Variants in ERMARD observed in about 807,000 individuals in gnomAD.
ERMARD encodes ER membrane associated RNA degradation.
In ERMARD, 71 loss-of-function variants were observed where a neutral mutation model predicts 83.9. The ratio of observed to expected loss-of-function variants is 0.85; its 90% confidence interval spans 0.70 to 1.03. The LOEUF is 1.03. ERMARD is among the 50% of genes least tolerant of loss of function. The probability of loss-of-function intolerance (pLI) is 0.00; values close to 1 mark genes in which losing one functional copy is unlikely to be tolerated. For synonymous variants in ERMARD, 284 were observed against 298.6 expected (o/e 0.95, Z 0.50); for missense variants, 838 against 810.9 (o/e 1.03, Z -0.41).
Position 169,755,349 on chromosome 6 carries a change from A to G in ERMARD, c.242A>G (p.His81Arg). ...CCTGTGTGTGAGGCTGTCCATTCACATTTCTTATCTCTGACCAAGGGGCAA... is the reference window on the plus strand; with the variant it reads ...CCTGTGTGTGAGGCTGTCCATTCACGTTTCTTATCTCTGACCAAGGGGCAA... ...LGPVCEAVHS[H>R]FLSLTKGQFE... Residue 81 changes from histidine (H) to arginine (R), a missense_variant, in exon 3 of 18, where the codon CAT becomes CGT. His to Arg is a conservative substitution (Grantham distance 29). Coordinates refer to ENST00000366773, the MANE Select transcript of ERMARD (RefSeq NM_018341.3). 2 of 1,614,210 alleles carry G rather than the reference A, an allele frequency of 1.2e-6. No individual in the cohort carries two copies. Among genetic ancestry groups the G allele is most frequent in the South Asian group, 1.1e-5 (1 of 91,078 alleles).
Position 169,769,634 on chromosome 6 carries a change from A to C in ERMARD, c.1154A>C (p.Glu385Ala), listed in dbSNP as rs1283197091. The C allele has an allele frequency of 5.0e-6, 8 of 1,613,364 alleles. No homozygotes were observed. The Admixed American group carries it at 1.3e-4, about 27-fold the overall frequency. ...ATCAACTTACATGAATTTTCAAAAGAAACAACTAATCAGTTGCTTGCATTT... is the reference window on the plus strand; with the variant it reads ...ATCAACTTACATGAATTTTCAAAAGCAACAACTAATCAGTTGCTTGCATTT... Reference protein sequence around the residue: ...GEINLHEFSKETTNQLLAFSL... With the variant: ...GEINLHEFSKATTNQLLAFSL... Residue 385 changes from glutamate (E) to alanine (A), a missense_variant, in exon 12 of 18, where the codon GAA (glutamate) becomes GCA (alanine). Coordinates refer to ENST00000366773, the MANE Select transcript of ERMARD (RefSeq NM_018341.3).
intron 16 of ERMARD, 26 bp downstream of exon 16, chr6:169,776,699 A>C (rs1585421041): frequency 6.2e-7 from 1 of 1,610,678 alleles, no homozygotes; most frequent in African/African-American, 1.3e-5. Flanking sequence ...CCTGTTTTGG[A>C]GGGGCACTGT....
At chr6:169,777,856 C>T (rs889912049) in intron 16 of ERMARD, among the ~76,000 whole-genome samples, 28 of 151,664 alleles carry the variant, frequency 1.8e-4, no homozygotes, top group East Asian at 7.7e-4. Flanking sequence ...CACTTACTGT[C>T]GAGCACTTGT....
intron 1 of ERMARD, chr6:169,753,077 C>G (rs114728190): frequency 5.3e-5 from 8 of 152,200 alleles, no homozygotes; most frequent in Non-Finnish European, 1.2e-4. Flanking sequence ...CACAGGAGAG[C>G]AGTTTTAGGC....
intron 2 of ERMARD, among the ~76,000 whole-genome samples, chr6:169,754,926 T>C (rs1366762878): frequency 3.3e-5 from 5 of 152,144 alleles, no homozygotes; most frequent in Admixed American, 1.3e-4. Flanking sequence ...GTATATACAG[T>C]GTGAGCCTGG....
At chr6:169,753,100 G>A (rs1218905352) in intron 1 of ERMARD, 1 of 152,482 alleles carries the variant, frequency 6.6e-6, no homozygotes, top group Non-Finnish European at 1.5e-5. Context: ...CAAAGGGCAG[G>A]AAATTGGGAA....
At chr6:169,775,132 C>T (rs1254306696) in intron 13 of ERMARD, 138 bp from the exon 14 acceptor site, 1 of 879,406 alleles carries the variant, frequency 1.1e-6, no homozygotes, top group Non-Finnish European at 1.7e-6. Context: ...GAACTGACAC[C>T]CACCATCTGG....
Position 169,776,007 on chromosome 6 carries a change from C to T in ERMARD, c.1462C>T (p.His488Tyr), listed in dbSNP as rs1793546221. The change falls in exon 15 of 18, where the codon CAC (histidine) becomes TAC (tyrosine). Residue 488 changes from histidine (H) to tyrosine (Y), a missense_variant. Coordinates refer to ENST00000366773, the MANE Select transcript of ERMARD (RefSeq NM_018341.3). Reference protein sequence around the residue: ...LITKMTDELYHHMPENRCVLK... With the variant: ...LITKMTDELYYHMPENRCVLK... ...TACAAAAATGACGGATGAGCTGTAT[C>T]ACCATATGCCTGAGAATCGTTGTGT... 1.2e-6 allele frequency: 2 copies of T among 1,614,232 alleles called. No homozygotes were observed. Among genetic ancestry groups the T allele is most frequent in the Non-Finnish European group, 1.7e-6 (2 of 1,180,036 alleles).
At chr6:169,753,616 C>T (rs141536378) in intron 1 of ERMARD, among the ~76,000 whole-genome samples, 1 of 151,914 alleles carries the variant, frequency 6.6e-6, no homozygotes, top group East Asian at 1.9e-4. Flanking sequence ...ATAGACAGAG[C>T]AGTTTGCAAA....
intron 9 of ERMARD, among the ~76,000 whole-genome samples, chr6:169,766,294 C>T (rs1433901700): frequency 1.3e-5 from 2 of 152,174 alleles, no homozygotes; most frequent in Admixed American, 1.3e-4. Flanking sequence ...AAGCTGTGCT[C>T]CCTTGTGCAC....
At chr6:169,779,854 G>A (rs1015827349) in intron 17 of ERMARD, among the ~76,000 whole-genome samples, 2 of 152,232 alleles carry the variant, frequency 1.3e-5, no homozygotes, top group African/African-American at 4.8e-5. Flanking sequence ...GGAGTCTGAA[G>A]TAGTGTGACA....
intron 1 of ERMARD, chr6:169,752,009 G>C (rs1356793522): frequency 1.1e-5 from 4 of 360,424 alleles, no homozygotes; most frequent in Non-Finnish European, 2.0e-5. Flanking sequence ...ACCGTGGCTC[G>C]TTCCTAGAAG....
At chr6:169,760,810 C>T (rs979641916) in intron 8 of ERMARD, 54 bp downstream of exon 8, 24 of 1,201,326 alleles carry the variant, frequency 2.0e-5, no homozygotes, top group Non-Finnish European at 2.7e-5. Context: ...GCCATTCTTT[C>T]TTGATGCCCT....
intron 12 of ERMARD, 184 bp from the exon 13 acceptor site, chr6:169,773,135 T>C: frequency 1.9e-6 from 1 of 534,920 alleles, no homozygotes; most frequent in Non-Finnish European, 3.3e-6. Flanking sequence ...TTAAAATCAT[T>C]TTATTGGCTG....
intron 13 of ERMARD, 110 bp from the exon 14 acceptor site, chr6:169,775,160 T>C: frequency 6.1e-6 from 7 of 1,147,106 alleles, no homozygotes; most frequent in Non-Finnish European, 8.7e-6. Context: ...ATGTTTAGAA[T>C]TTGTAATAAT....
Position 169,753,939 on chromosome 6 carries a change from C to G in ERMARD, c.82C>G (p.Leu28Val), listed in dbSNP as rs2128340319. 2.5e-6 allele frequency: 4 copies of G among 1,613,722 alleles called. No homozygotes were observed. Among genetic ancestry groups the G allele is most frequent in the Non-Finnish European group, 2.5e-6 (3 of 1,179,834 alleles). The change falls in exon 2 of 18, where the codon CTC (leucine) becomes GTC (valine). Residue 28 changes from leucine to valine, a missense_variant. Physicochemically the swap from Leu to Val is conservative, Grantham distance 32. Transcript: ENST00000366773. ...YDIICNLGFQ[L>V]RENCDINSIV... The stretch of plus-strand genomic sequence containing the variant: ...TATAATTTGTAATCTTGGGTTTCAA[C>G]TCAGAGAAAATTGTGATATCAATAG...
rs762142065 is a variant in ERMARD, at chr6:169,776,008, A to G, written c.1463A>G (p.His488Arg). The change falls in exon 15 of 18, where the codon CAC (histidine) becomes CGC (arginine). Residue 488 changes from histidine (H) to arginine (R), a missense_variant. His to Arg is a conservative substitution (Grantham distance 29). Coordinates refer to ENST00000366773, the MANE Select transcript of ERMARD (RefSeq NM_018341.3). ...LITKMTDELY[H>R]HMPENRCVLK... ...ACAAAAATGACGGATGAGCTGTATC[A>G]CCATATGCCTGAGAATCGTTGTGTG... The G allele has an allele frequency of 3.1e-6, 5 of 1,614,246 alleles. No individual in the cohort carries two copies. In the South Asian group the frequency reaches 4.4e-5, roughly 14 times the overall value.
intron 6 of ERMARD, 67 bp from the exon 7 acceptor site, chr6:169,759,771 C>A: frequency 7.2e-7 from 1 of 1,396,200 alleles, no homozygotes; most frequent in Non-Finnish European, 9.9e-7. Context: ...TTGTATTTTT[C>A]ACAGTGAAGC....
chr6:169,766,207 C>T (rs1792185939), intron 9 of ERMARD, among the ~76,000 whole-genome samples: 1 of 152,208 alleles, frequency 6.6e-6, no homozygotes, highest in African/African-American at 2.4e-5. Context: ...TGTCTGTAGG[C>T]CGTGCCGATG....
Sources: allele counts gnomAD v4.1 joint callset (sites outside exome capture counted in the v4.1 genomes callset), GRCh38; gene constraint gnomAD v4.1.1; transcripts MANE v1.5; gene names NCBI Gene and HGNC (gene_info 2026-07-23, HGNC 2026-07-21).